Variants in GPHN observed in about 807,000 individuals in gnomAD.
GPHN encodes the protein gephyrin.
A neutral mutation model predicts 95.5 loss-of-function variants in GPHN; 17 were observed. The observed-to-expected ratio is 0.18, with a 90% CI of 0.12 to 0.27. The LOEUF (loss-of-function observed/expected upper bound fraction) is 0.27. Among genes scored for constraint, GPHN ranks in the 10% least tolerant of loss-of-function variants. The pLI is 1.00. For missense variants in GPHN, 660 were observed against 978.1 expected (o/e 0.67, Z 4.34); for synonymous variants, 320 against 322.5 (o/e 0.99, Z 0.08).
chr14:66,855,346 A>C (rs1031210022), intron 4 of GPHN, among the ~76,000 whole-genome samples: 1 of 151,972 alleles, frequency 6.6e-6, no homozygotes, highest in Non-Finnish European at 1.5e-5. Flanking sequence ...AAATTTTCCT[A>C]TTGTAAATAT....
intron 1 of GPHN, among the ~76,000 whole-genome samples, chr14:66,664,948 A>G (rs1186455237): frequency 6.6e-6 from 1 of 150,382 alleles, no homozygotes; most frequent in Non-Finnish European, 1.5e-5. Flanking sequence ...CAGACCAATA[A>G]CAAGTTCTGA....
the GPHN span, chr14:67,241,188 T>A: frequency 6.6e-6 from 1 of 152,166 alleles, no homozygotes; most frequent in Admixed American, 6.5e-5. Flanking sequence ...CTCTCTCCGC[T>A]CCGGCTCGGG....
At chr14:66,582,921 A>C (rs1016619408) in intron 1 of GPHN, among the ~76,000 whole-genome samples, 2 of 152,182 alleles carry the variant, frequency 1.3e-5, no homozygotes, top group Admixed American at 6.5e-5. Context: ...GGCTGGGTCA[A>C]ATGGTATTTC....
In GPHN at chr14:66,879,880, C is replaced by T. The variant is rs975717297; in HGVS notation, c.295-59C>T. The T allele has an allele frequency of 1.7e-5, 18 of 1,063,982 alleles. No individual in the cohort carries two copies. In the African/African-American group the frequency reaches 2.5e-4, roughly 15 times the overall value. The allele number at this position is 1,063,982 out of a possible 1,614,324, so 65.9% of individuals were successfully genotyped here. ...TCATTTTTAAGTGGGTTTTACTAGT[C>T]TGACTTCATTCTTTTTTGGCTTATT... On this transcript the variant is annotated intron_variant, in intron 4 of 22. Coordinates refer to ENST00000478722, the MANE Select transcript of GPHN (RefSeq NM_020806.5).
At chr14:67,023,721 A>C (rs1594848851) in intron 10 of GPHN, 46 bp downstream of exon 10, 1 of 1,448,156 alleles carries the variant, frequency 6.9e-7, no homozygotes, top group East Asian at 2.3e-5. Context: ...TAGAGCTTAT[A>C]AAGCTAAAAA....
intron 1 of GPHN, among the ~76,000 whole-genome samples, chr14:66,535,510 T>C (rs1025240264): frequency 6.6e-6 from 1 of 152,180 alleles, no homozygotes; most frequent in Non-Finnish European, 1.5e-5. Flanking sequence ...AAACTGTTAA[T>C]ATTATGATTG....
At chr14:66,772,534 AGAG>A (rs1278565080) in intron 2 of GPHN, among the ~76,000 whole-genome samples, 1 of 152,220 alleles carries the variant, frequency 6.6e-6, no homozygotes, top group Admixed American at 6.5e-5. Context: ...GAAGGGCAAA[AGAG>A]GAAGTCAGAG....
At chr14:67,661,309 T>C in the GPHN span, among the ~76,000 whole-genome samples, 1 of 151,092 alleles carries the variant, frequency 6.6e-6, no homozygotes, top group East Asian at 1.9e-4. Context: ...AGTTTTTTTT[T>C]TTTAAAGAAA....
At chr14:66,898,663 G>A (rs950728754) in intron 5 of GPHN, among the ~76,000 whole-genome samples, 4 of 151,742 alleles carry the variant, frequency 2.6e-5, no homozygotes, top group African/African-American at 9.7e-5. Flanking sequence ...AAATTGCATA[G>A]ACAGATTCCT....
the GPHN span, among the ~76,000 whole-genome samples, chr14:67,574,966 C>T: frequency 1.3e-5 from 2 of 152,204 alleles, no homozygotes; most frequent in Non-Finnish European, 2.9e-5. The surrounding 1 kb of genome is among the most constrained non-coding windows in gnomAD (Gnocchi z 4.2). Flanking sequence ...CTCTGCTTCT[C>T]GTTCAATCTG....
intron 1 of GPHN, among the ~76,000 whole-genome samples, chr14:66,661,753 T>G (rs1183072997): frequency 1.4e-5 from 2 of 143,266 alleles, no homozygotes; most frequent in Non-Finnish European, 3.0e-5. Flanking sequence ...TGTTTTGATT[T>G]CACCCTGGGA....
the GPHN span, chr14:67,722,357 C>T: frequency 1.3e-4 from 71 of 530,458 alleles, no homozygotes; most frequent in Admixed American, 1.1e-3. Context: ...GCTTTAGTTT[C>T]CCCACATTCT....
chr14:67,197,496 C>G, the GPHN span: 1 of 152,104 alleles, frequency 6.6e-6, no homozygotes, highest in East Asian at 1.9e-4. Flanking sequence ...TTCTTTCTCT[C>G]TCCTGGAGAC....
intron 1 of GPHN, among the ~76,000 whole-genome samples, chr14:66,512,970 C>T (rs1436118539): frequency 1.3e-5 from 2 of 151,518 alleles, no homozygotes; most frequent in Non-Finnish European, 3.0e-5. Flanking sequence ...ACTGTATGTT[C>T]TGCCTAACTT....
chr14:66,569,285 G>C (rs2060580217), intron 1 of GPHN, among the ~76,000 whole-genome samples: 1 of 152,152 alleles, frequency 6.6e-6, no homozygotes, highest in East Asian at 1.9e-4. Flanking sequence ...TTAAAATATA[G>C]TTAATATTAT....
chr14:67,571,486 G>A, the GPHN span: 1 of 392,994 alleles, frequency 2.5e-6, no homozygotes, highest in Non-Finnish European at 4.7e-6. Flanking sequence ...AGGAGCGAGG[G>A]TCACAGTGGG....
intron 2 of GPHN, among the ~76,000 whole-genome samples, chr14:66,715,996 A>G (rs955717278): frequency 2.6e-5 from 4 of 151,974 alleles, no homozygotes; most frequent in African/African-American, 9.7e-5. Flanking sequence ...CTATATATAT[A>G]TAGATATATC....
chr14:67,546,078 G>A, the GPHN span, among the ~76,000 whole-genome samples: 1 of 152,218 alleles, frequency 6.6e-6, no homozygotes, highest in Non-Finnish European at 1.5e-5. Context: ...TGGATTCTGG[G>A]AGAACATGAG....
At chr14:66,876,958 A>G (rs1032801972) in intron 4 of GPHN, among the ~76,000 whole-genome samples, 17 of 152,144 alleles carry the variant, frequency 1.1e-4, no homozygotes, top group Non-Finnish European at 2.4e-4. Context: ...TTTCAGGCCA[A>G]TATCCCCGAG....
Sources: gnomAD v4.1 joint callset for allele counts (sites outside exome capture counted in the v4.1 genomes callset) on GRCh38, gnomAD v4.1.1 for gene constraint, Gnocchi (gnomAD v3.1) non-coding constraint, MANE v1.5 for transcripts, NCBI Gene and HGNC (gene_info 2026-07-23, HGNC 2026-07-21) for gene names.